The following EYS variants were observed in gnomAD, a reference collection of about 807,000 sequenced individuals.
EYS encodes the protein EGF-like photoreceptor maintenance factor.
A neutral mutation model predicts 282.1 loss-of-function variants in EYS; 250 were observed. The ratio of observed to expected loss-of-function variants is 0.89; its 90% CI spans 0.80 to 0.98. The LOEUF is 0.98. Ranked by LOEUF, EYS falls within the 50% of genes least tolerant of loss-of-function variation. The probability of loss-of-function intolerance (pLI) is 0.00; values close to 1 mark genes in which losing one functional copy is unlikely to be tolerated. For synonymous variants in EYS, 1,355 were observed against 1,282.9 expected (o/e 1.06, Z -1.20); for missense variants, 4,016 against 3,709.0 (o/e 1.08, Z -2.15).
At chr6:64,392,287 C>T (rs1483323921) in intron 28 of EYS, among the ~76,000 whole-genome samples, 1 of 148,804 alleles carries the variant, frequency 6.7e-6, no homozygotes, top group Non-Finnish European at 1.5e-5. Context: ...TAATAGACAT[C>T]TACAGAACTC....
intron 12 of EYS, among the ~76,000 whole-genome samples, chr6:65,075,440 A>T (rs1774020164): frequency 6.6e-6 from 1 of 152,070 alleles, no homozygotes; most frequent in Non-Finnish European, 1.5e-5. Flanking sequence ...CTTTTAAACA[A>T]TTCATAACAA....
At chr6:65,368,568 A>T (rs1357516796) in intron 8 of EYS, among the ~76,000 whole-genome samples, 1 of 151,776 alleles carries the variant, frequency 6.6e-6, no homozygotes, top group Admixed American at 6.7e-5. Flanking sequence ...TTAAACATGA[A>T]TCCTGTGAAA....
At chr6:63,789,273 A>C in intron 37 of EYS, 49 bp from the exon 38 acceptor site, 1 of 1,519,228 alleles carries the variant, frequency 6.6e-7, no homozygotes, top group Non-Finnish European at 8.9e-7. Context: ...GAAATTCAGG[A>C]GTTCCGTCAG....
intron 2 of EYS, among the ~76,000 whole-genome samples, chr6:65,592,191 T>C (rs1410865356): frequency 6.6e-6 from 1 of 152,032 alleles, no homozygotes; most frequent in Non-Finnish European, 1.5e-5. Flanking sequence ...AAATGAACAT[T>C]TTCATAACTT....
At chr6:64,939,190 T>C (rs1395340516) in intron 15 of EYS, among the ~76,000 whole-genome samples, 3 of 151,824 alleles carry the variant, frequency 2.0e-5, no homozygotes, top group South Asian at 2.1e-4. Context: ...TATTAATACA[T>C]TATCTTTATA....
intron 30 of EYS, among the ~76,000 whole-genome samples, chr6:64,232,933 A>G (rs1766471675): frequency 6.6e-6 from 1 of 152,234 alleles, no homozygotes; most frequent in Non-Finnish European, 1.5e-5. Context: ...GTTAAATGGC[A>G]ATGCTAATAT....
intron 26 of EYS, among the ~76,000 whole-genome samples, chr6:64,532,854 T>C (rs998343018): frequency 2.6e-5 from 4 of 152,138 alleles, no homozygotes; most frequent in African/African-American, 9.7e-5. Context: ...ATATGACCCA[T>C]GGTCTAAAGA....
At chr6:64,480,221 T>G (rs938498193) in intron 26 of EYS, among the ~76,000 whole-genome samples, 3 of 151,890 alleles carry the variant, frequency 2.0e-5, no homozygotes, top group Non-Finnish European at 4.4e-5. Context: ...AGCTGGAAAT[T>G]TTATTTCTTA....
intron 5 of EYS, among the ~76,000 whole-genome samples, chr6:65,467,171 C>A (rs1031780524): frequency 6.6e-6 from 1 of 152,052 alleles, no homozygotes; most frequent in Non-Finnish European, 1.5e-5. Flanking sequence ...GGCATTTGAG[C>A]TAACAGATAT....
At chr6:64,393,884 CA>C (rs965381744) in intron 28 of EYS, among the ~76,000 whole-genome samples, 1 of 151,806 alleles carries the variant, frequency 6.6e-6, no homozygotes, top group Non-Finnish European at 1.5e-5. Context: ...TAGAAAACCC[CA>C]TTGTCTCAGC....
intron 31 of EYS, among the ~76,000 whole-genome samples, chr6:64,141,119 A>G (rs1379411348): frequency 6.6e-6 from 1 of 152,192 alleles, no homozygotes; most frequent in East Asian, 1.9e-4. Flanking sequence ...ACTCCCAAAT[A>G]TAAATGTAGC....
intron 2 of EYS, among the ~76,000 whole-genome samples, chr6:65,511,984 C>CAAAAAAAA (rs11368301): frequency 2.1e-5 from 2 of 94,828 alleles, no homozygotes; most frequent in Non-Finnish European, 3.9e-5. Context: ...AACTCTGTCT[C>CAAAAAAAA]AAAAAAAAAA....
chr6:64,291,737 G>C (rs992262271), intron 30 of EYS, among the ~76,000 whole-genome samples: 2 of 151,904 alleles, frequency 1.3e-5, no homozygotes, highest in African/African-American at 2.4e-5. Flanking sequence ...TTTTATTTTA[G>C]TGTATTATTC....
At chr6:65,410,825 GAA>G (rs754786437) in intron 5 of EYS, among the ~76,000 whole-genome samples, 17 of 151,530 alleles carry the variant, frequency 1.1e-4, no homozygotes, top group Non-Finnish European at 2.1e-4. Flanking sequence ...AATGGATAAA[GAA>G]AATGTTAACT....
chr6:64,867,113 C>T (rs903932319), intron 19 of EYS, among the ~76,000 whole-genome samples: 1 of 151,680 alleles, frequency 6.6e-6, no homozygotes, highest in South Asian at 2.1e-4. Context: ...TTAATTAAAT[C>T]CAGATATTTA....
chr6:65,154,434 G>C (rs943759106), intron 12 of EYS, among the ~76,000 whole-genome samples: 6 of 151,542 alleles, frequency 4.0e-5, no homozygotes, highest in African/African-American at 1.5e-4. Context: ...GAAATGCTTG[G>C]TGTATTAAAA....
chr6:65,634,757 A>T (rs1215042320), intron 2 of EYS, among the ~76,000 whole-genome samples: 3 of 152,200 alleles, frequency 2.0e-5, no homozygotes, highest in Non-Finnish European at 4.4e-5. Context: ...ATCTAGTCGT[A>T]ACCCCATCAA....
At chr6:65,213,933 G>A (rs968676109) in intron 12 of EYS, among the ~76,000 whole-genome samples, 5 of 151,990 alleles carry the variant, frequency 3.3e-5, no homozygotes, top group African/African-American at 1.2e-4. Context: ...GGCCGAGGCA[G>A]GCAGATGACG....
chr6:65,447,883 A>T (rs1386420761), intron 5 of EYS, among the ~76,000 whole-genome samples: 1 of 152,056 alleles, frequency 6.6e-6, no homozygotes, highest in Non-Finnish European at 1.5e-5. Flanking sequence ...AATGGAAGAA[A>T]GGAAAAGCAT....
Sources: allele counts gnomAD v4.1 joint callset (sites outside exome capture counted in the v4.1 genomes callset), GRCh38; gene constraint gnomAD v4.1.1; transcripts MANE v1.5; gene names NCBI Gene and HGNC (gene_info 2026-07-23, HGNC 2026-07-21).